SLC35F5: variants seen among roughly 807,000 people sequenced by gnomAD.
SLC35F5 encodes the protein solute carrier family 35 member F5, also known as HCV NS5A-transactivated protein 3.
In SLC35F5, 54 loss-of-function variants were observed where a neutral mutation model predicts 68.6. The observed-to-expected ratio is 0.79, with a 90% CI of 0.63 to 0.99. The LOEUF is 0.99. Among genes scored for constraint, SLC35F5 ranks in the 50% least tolerant of loss-of-function variants. The pLI is 0.00. For missense variants in SLC35F5, 567 were observed against 626.9 expected, an observed-to-expected ratio of 0.90 and a Z score of 1.02; for synonymous variants, 211 against 205.2, an observed-to-expected ratio of 1.03 and a Z score of -0.24.
intron 11 of SLC35F5, among the ~76,000 whole-genome samples, chr2:113,727,322 A>G (rs1687701399): frequency 6.6e-6 from 1 of 152,170 alleles, no homozygotes; most frequent in Non-Finnish European, 1.5e-5. Context: ...CAGTGTGAAA[A>G]CAGACTAATA....
chr2:113,733,911 T>C (rs903458318), intron 9 of SLC35F5, among the ~76,000 whole-genome samples: 5 of 152,242 alleles, frequency 3.3e-5, no homozygotes, highest in African/African-American at 4.8e-5. Flanking sequence ...TTTTGTTTCA[T>C]AAAATAAGTT....
chr2:113,734,370 C>G (rs900729060), intron 9 of SLC35F5, among the ~76,000 whole-genome samples: 2 of 152,200 alleles, frequency 1.3e-5, no homozygotes, highest in East Asian at 1.9e-4. Context: ...GGAACCAAAG[C>G]AGCCTTGGGG....
chr2:113,705,072 A>T (rs973166980), downstream of SLC35F5: 1 of 152,174 alleles, frequency 6.6e-6, no homozygotes. Flanking sequence ...AGAAAATGTG[A>T]ATTTTGTCAG....
chr2:113,725,627 C>A, intron 11 of SLC35F5, 90 bp from the exon 12 acceptor site: 1 of 1,233,892 alleles, frequency 8.1e-7, no homozygotes, highest in Non-Finnish European at 1.1e-6. Flanking sequence ...AGATTTTGCA[C>A]AAAAGCACTC....
At chr2:113,702,988 T>G (rs575342427), downstream of SLC35F5, among the ~76,000 whole-genome samples, 3 of 152,190 alleles carry the variant, frequency 2.0e-5, no homozygotes, top group East Asian at 5.8e-4. Context: ...TGTGCACCTG[T>G]AGTCCCAGCA....
rs536634622 is a variant in SLC35F5 at position 113,715,461 on chromosome 2, A to C, written c.*23-266T>G. Among the ~76,000 whole-genome samples, 6 of 152,234 alleles carry C rather than the reference A, an allele frequency of 3.9e-5. No homozygotes were observed. The South Asian group carries it at 1.2e-3, about 32-fold the overall frequency. On this transcript the variant is annotated intron_variant, in intron 15 of 15. Coordinates refer to ENST00000245680, the MANE Select transcript of SLC35F5 (RefSeq NM_025181.5). ...GGTATATTCCACCATTACTCCTGCA[A>C]AGACAAAGTCACCTGCCCAGTCTAT... is the stretch of plus-strand genomic sequence containing the variant.
At chr2:113,731,723 TA>T in intron 9 of SLC35F5, 75 bp from the exon 10 acceptor site, 1 of 1,219,280 alleles carries the variant, frequency 8.2e-7, no homozygotes, top group African/African-American at 1.5e-5. Context: ...AAATTATTTA[TA>T]AGTGATCAAG....
rs765695473 is a variant in SLC35F5 at position 113,714,467 on chromosome 2, CAG to C, written c.*749_*750del. On this transcript the variant is annotated 3_prime_UTR_variant, in exon 16 of 16. Transcript: ENST00000245680. Reference sequence around the variant, plus strand: ...TATTTCTTCAAAACTCTAAATTAAACAGAGCTTTATCAATTAAGTTTACAGCA... The same window carrying C: ...TATTTCTTCAAAACTCTAAATTAAACAGCTTTATCAATTAAGTTTACAGCA... The C allele has an allele frequency of 2.6e-5, 4 of 152,014 alleles. No individual in the cohort carries two copies. Among genetic ancestry groups the C allele is most frequent in the Non-Finnish European group, 5.9e-5 (4 of 67,930 alleles). 9.4% of individuals were successfully genotyped at this position (152,014 alleles called of 1,614,324 possible).
At chr2:113,756,131 G>A (rs1430357571) in intron 1 of SLC35F5, 1 of 1,445,778 alleles carries the variant, frequency 6.9e-7, no homozygotes, top group Non-Finnish European at 9.1e-7. Flanking sequence ...AGACAGTTAA[G>A]GCAGCGACGC....
chr2:113,719,165 A>C lies in SLC35F5; in HGVS notation c.1485T>G (p.His495Gln), dbSNP rs567538647. Reference protein sequence around the residue: ...RRIFAFICRKHRIQRVPEDSE... With the variant: ...RRIFAFICRKQRIQRVPEDSE... ...GGGACTAAACTTACCTCTGAATTCG[A>C]TGTTTTCTGCATATAAAAGCAAATA... Residue 495 changes from histidine to glutamine, a missense_variant, in exon 14 of 16, where the codon CAT (histidine) becomes CAG (glutamine). By Grantham distance (24) the His-to-Gln change is conservative. Coordinates refer to ENST00000245680, the MANE Select transcript of SLC35F5 (RefSeq NM_025181.5). 20 of 1,604,456 alleles carry C rather than the reference A, an allele frequency of 1.2e-5. No homozygotes were observed. The African/African-American group carries it at 2.4e-4, about 19-fold the overall frequency.
intron 7 of SLC35F5, among the ~76,000 whole-genome samples, chr2:113,741,016 G>A (rs1029541245): frequency 2.6e-5 from 4 of 152,102 alleles, no homozygotes; most frequent in Non-Finnish European, 4.4e-5. Flanking sequence ...ACCATTTATG[G>A]TCAAAGTGAC....
intron 7 of SLC35F5, among the ~76,000 whole-genome samples, chr2:113,740,265 G>C (rs1385426452): frequency 6.6e-6 from 1 of 152,162 alleles, no homozygotes. Context: ...AAGGAAGAAA[G>C]CTACTTCAGG....
At chr2:113,728,863 A>G (rs1176173661) in intron 11 of SLC35F5, among the ~76,000 whole-genome samples, 1 of 152,260 alleles carries the variant, frequency 6.6e-6, no homozygotes, top group Non-Finnish European at 1.5e-5. Flanking sequence ...AACCATATCC[A>G]GAAACTATAA....
intron 5 of SLC35F5, among the ~76,000 whole-genome samples, chr2:113,744,668 T>C (rs1243810376): frequency 2.0e-5 from 3 of 152,120 alleles, no homozygotes; most frequent in Admixed American, 2.0e-4. Context: ...GGCAAATTGC[T>C]TGAAACCAGG....
chr2:113,720,410 TAGTC>T (rs1474871908), intron 13 of SLC35F5, among the ~76,000 whole-genome samples: 1 of 151,684 alleles, frequency 6.6e-6, no homozygotes, highest in African/African-American at 2.4e-5. Context: ...ATAGCACCAT[TAGTC>T]AGAGTAAACG....
intron 1 of SLC35F5, 95 bp from the exon 2 acceptor site, chr2:113,755,639 C>T (rs1312592901): frequency 1.0e-5 from 13 of 1,271,538 alleles, no homozygotes; most frequent in Middle Eastern, 1.8e-4. Flanking sequence ...AAACTCAAAG[C>T]AAATCAATGA....
chr2:113,729,597 A>C, intron 10 of SLC35F5, 92 bp from the exon 11 acceptor site: 1 of 700,774 alleles, frequency 1.4e-6, no homozygotes, highest in Non-Finnish European at 2.5e-6. Flanking sequence ...TATTGCAAGA[A>C]TATACAAAAG....
intron 14 of SLC35F5, among the ~76,000 whole-genome samples, chr2:113,718,687 C>T (rs972718427): frequency 1.8e-4 from 27 of 152,030 alleles, no homozygotes; most frequent in African/African-American, 6.5e-4. Context: ...CCCAGCTACT[C>T]AGGAGGCTGA....
rs1281049955 is a variant in SLC35F5 at position 113,714,836 on chromosome 2, T to G, written c.*382A>C. Reference sequence around the variant, plus strand: ...ACTGGTCTATGAACACTTAAGTGATTTCTTGAAAACATTTTCATAATATAT... The same window carrying G: ...ACTGGTCTATGAACACTTAAGTGATGTCTTGAAAACATTTTCATAATATAT... On this transcript the variant is annotated 3_prime_UTR_variant, in exon 16 of 16. Transcript: ENST00000245680. 6.6e-6 allele frequency: 1 copy of G among 152,626 alleles called. No individual in the cohort carries two copies. Among genetic ancestry groups the G allele is most frequent in the East Asian group, 1.9e-4 (1 of 5,184 alleles). The allele number at this position is 152,626 out of a possible 1,614,324, so 9.5% of individuals were successfully genotyped here.
Sources: allele counts gnomAD v4.1 joint callset (sites outside exome capture counted in the v4.1 genomes callset), GRCh38; gene constraint gnomAD v4.1.1; transcripts MANE v1.5; gene names NCBI Gene and HGNC (gene_info 2026-07-23, HGNC 2026-07-21).